The following PRELID2 variants were observed in gnomAD, a reference collection of about 807,000 sequenced individuals.
PRELID2 encodes PRELI domain containing 2, also known as PRELI domain-containing protein 2.
PRELID2 carries 25 observed loss-of-function variants against 28.4 expected under a neutral mutation model. That is an observed-to-expected ratio of 0.88 (90% CI 0.64 to 1.23). PRELID2 has a LOEUF of 1.23. Among genes scored for constraint, PRELID2 ranks in the 50% most tolerant of loss-of-function variants. The probability of loss-of-function intolerance (pLI) is 0.00; values close to 1 mark genes in which losing one functional copy is unlikely to be tolerated. For missense variants in PRELID2, 201 were observed against 214.4 expected (o/e 0.94, Z 0.39); for synonymous variants, 76 against 71.6 (o/e 1.06, Z -0.31).
chr5:145,465,194 G>A, the PRELID2 span, among the ~76,000 whole-genome samples: 1 of 151,996 alleles, frequency 6.6e-6, no homozygotes, highest in Non-Finnish European at 1.5e-5. Flanking sequence ...GATATTAGAT[G>A]GCTAGCAGCA....
intron 1 of PRELID2, among the ~76,000 whole-genome samples, chr5:145,707,008 G>T (rs1014355344): frequency 6.6e-6 from 1 of 152,168 alleles, no homozygotes; most frequent in Admixed American, 6.5e-5. Context: ...TTCTGAATCT[G>T]CATTTGACAC....
the PRELID2 span, among the ~76,000 whole-genome samples, chr5:145,344,086 G>A: frequency 1.6e-4 from 24 of 151,858 alleles, no homozygotes; most frequent in Admixed American, 1.4e-3. Flanking sequence ...ATACAAAGAA[G>A]AACTAATACC....
Position 145,760,273 on chromosome 5 carries a change from A to G in PRELID2, c.*263T>C, listed in dbSNP as rs1034497680. On this transcript the variant is annotated 3_prime_UTR_variant, in exon 7 of 7. Coordinates refer to ENST00000683046, the MANE Select transcript of PRELID2 (RefSeq NM_205846.3). ...CATGGTTCTTTTTTCCTTTATTTGT[A>G]AAATTATAAAGAGATTGTGTCATAA... The G allele has an allele frequency of 6.6e-6, 1 of 152,120 alleles. No individual in the cohort carries two copies. The highest frequency in any genetic ancestry group is 6.5e-5 in the Admixed American group (1 of 15,276). The allele number at this position is 152,120 out of a possible 1,614,324, so 9.4% of individuals were successfully genotyped here.
At chr5:145,404,144 T>C in the PRELID2 span, among the ~76,000 whole-genome samples, 1 of 152,232 alleles carries the variant, frequency 6.6e-6, no homozygotes, top group African/African-American at 2.4e-5. Context: ...ACATTCTCTG[T>C]ACCATCCTTC....
intron 1 of PRELID2, among the ~76,000 whole-genome samples, chr5:145,663,814 C>A (rs1367672679): frequency 6.6e-6 from 1 of 152,054 alleles, no homozygotes; most frequent in African/African-American, 2.4e-5. Context: ...GAACCCAATG[C>A]ATAGTGTTAT....
At chr5:145,331,171 A>T in the PRELID2 span, among the ~76,000 whole-genome samples, 1 of 151,982 alleles carries the variant, frequency 6.6e-6, no homozygotes, top group Non-Finnish European at 1.5e-5. Flanking sequence ...TTTTGCATTC[A>T]CTGAGGAGTG....
intron 1 of PRELID2, among the ~76,000 whole-genome samples, chr5:145,503,932 T>G (rs1276544263): frequency 6.6e-6 from 1 of 152,178 alleles, no homozygotes; most frequent in Middle Eastern, 3.2e-3. Flanking sequence ...CAGCACATTG[T>G]GAAAAGTAAG....
At chr5:145,405,434 C>T in the PRELID2 span, among the ~76,000 whole-genome samples, 1 of 152,126 alleles carries the variant, frequency 6.6e-6, no homozygotes, top group Non-Finnish European at 1.5e-5. Context: ...ATTGGCTCAT[C>T]GTTCTGCAGG....
chr5:145,591,921 C>T (rs1753234292), intron 1 of PRELID2, among the ~76,000 whole-genome samples: 1 of 152,200 alleles, frequency 6.6e-6, no homozygotes, highest in Non-Finnish European at 1.5e-5. Context: ...ATCGTCTAAA[C>T]CTACTATGTC....
In PRELID2 at chr5:145,800,540, T is replaced by A. The variant is rs544771031; in HGVS notation, c.369-3993A>T. Reference sequence around the variant, plus strand: ...TGAAAAGTTGAGCAGTCTCACACTCTTGGGAGAGATGAACTCTTCAGTCCT... The same window carrying A: ...TGAAAAGTTGAGCAGTCTCACACTCATGGGAGAGATGAACTCTTCAGTCCT... On this transcript the variant is annotated intron_variant, in intron 4 of 6. Coordinates refer to ENST00000683046, the MANE Select transcript of PRELID2 (RefSeq NM_205846.3). Among the ~76,000 whole-genome samples the A allele has an allele frequency of 2.0e-5, 3 of 152,292 alleles. No homozygotes were observed. In the South Asian group the frequency reaches 6.2e-4, roughly 32 times the overall value.
intron 1 of PRELID2, among the ~76,000 whole-genome samples, chr5:145,543,798 A>G (rs747017670): frequency 7.2e-5 from 11 of 152,038 alleles, no homozygotes; most frequent in South Asian, 2.1e-4. Context: ...TTTGGAGGCC[A>G]TCTAGAAAGA....
chr5:145,426,231 C>A, the PRELID2 span, among the ~76,000 whole-genome samples: 2 of 152,080 alleles, frequency 1.3e-5, no homozygotes, highest in African/African-American at 4.8e-5. Flanking sequence ...GCCCAAATAT[C>A]TATATTCTCT....
At chr5:145,660,524 A>C (rs1397207523) in intron 1 of PRELID2, among the ~76,000 whole-genome samples, 8 of 152,202 alleles carry the variant, frequency 5.3e-5, no homozygotes, top group Non-Finnish European at 8.8e-5. Flanking sequence ...CTGAGAAAAA[A>C]TGCACTCACT....
the PRELID2 span, among the ~76,000 whole-genome samples, chr5:145,413,352 T>TGGA: frequency 6.6e-6 from 1 of 151,222 alleles, no homozygotes; most frequent in Non-Finnish European, 1.5e-5. Flanking sequence ...GACATGAATG[T>TGGA]GAAAAGGGAA....
intron 1 of PRELID2, among the ~76,000 whole-genome samples, chr5:145,665,429 C>T (rs534575315): frequency 1.2e-4 from 19 of 152,226 alleles, no homozygotes; most frequent in Non-Finnish European, 2.5e-4. Context: ...CATATATTTA[C>T]TGACTTTACT....
chr5:145,650,570 A>G (rs1158607476), intron 1 of PRELID2, among the ~76,000 whole-genome samples: 13 of 134,918 alleles, frequency 9.6e-5, no homozygotes, highest in African/African-American at 5.5e-5. Context: ...ATATATATAT[A>G]TATATAGACT....
chr5:145,788,539 T>C (rs921753658), intron 5 of PRELID2, among the ~76,000 whole-genome samples: 1 of 152,108 alleles, frequency 6.6e-6, no homozygotes, highest in African/African-American at 2.4e-5. Context: ...CTGTATAGAA[T>C]TGAGAAAAAT....
intron 1 of PRELID2, among the ~76,000 whole-genome samples, chr5:145,749,766 A>G (rs1033384522): frequency 4.6e-5 from 7 of 152,228 alleles, no homozygotes; most frequent in Non-Finnish European, 5.9e-5. Context: ...CATATACACT[A>G]TGGAATACTA....
At position 145,493,203 on chromosome 5, in the gene PRELID2, A is replaced by G. The variant is rs1752282319; in HGVS notation, n.71-19888T>C. Among the ~76,000 whole-genome samples, 2 of 95,612 alleles carry G rather than the reference A, an allele frequency of 2.1e-5. 1 individual carries two copies. The allele number at this position is 95,612 out of a possible 152,430, so 62.7% of individuals were successfully genotyped here. A position where few individuals can be genotyped will look rare whatever the true frequency, so the allele number is the denominator to read the frequency against. Reference sequence around the variant, plus strand: ...GGTGGGATGAGCCCTGGAGAGTTCTACTCCACCATCTTGCTCCCAGATTGT... The same window carrying G: ...GGTGGGATGAGCCCTGGAGAGTTCTGCTCCACCATCTTGCTCCCAGATTGT... On this transcript the variant is annotated intron_variant and non_coding_transcript_variant, in intron 1 of 2. Coordinates refer to the PRELID2 transcript ENST00000510259.
Sources: gnomAD v4.1 joint callset for allele counts (sites outside exome capture counted in the v4.1 genomes callset) on GRCh38, gnomAD v4.1.1 for gene constraint, MANE v1.5 for transcripts, NCBI Gene and HGNC (gene_info 2026-07-23, HGNC 2026-07-21) for gene names.